Variants in IRAK3 observed in about 807,000 individuals in gnomAD.
The protein encoded by IRAK3 is interleukin-1 receptor-associated kinase 3.
Under a neutral mutation model 56.6 loss-of-function variants are expected in IRAK3, and 57 were observed. The ratio of observed to expected loss-of-function variants is 1.01; its 90% CI spans 0.81 to 1.26. IRAK3 has a LOEUF of 1.26. Among genes scored for constraint, IRAK3 ranks in the 50% most tolerant of loss-of-function variants. The pLI, the probability that IRAK3 is intolerant of heterozygous loss-of-function variation, is 0.00. For missense variants in IRAK3, 703 were observed against 719.0 expected, an observed-to-expected ratio of 0.98 and a Z score of 0.25; for synonymous variants, 258 against 255.7, an observed-to-expected ratio of 1.01 and a Z score of -0.09.
At chr12:66,197,353 G>C (rs2052464301) in intron 1 of IRAK3, 1 of 1,010,630 alleles carries the variant, frequency 9.9e-7, no homozygotes, top group African/African-American at 1.7e-5. Flanking sequence ...AGGGAGAGTT[G>C]AAGAAAATGA....
rs546689395 is a variant in IRAK3 at position 66,227,495 on chromosome 12, C to T, written c.768+658C>T. Among the ~76,000 whole-genome samples, 440 of 152,270 alleles carry T rather than the reference C, an allele frequency of 2.9e-3. 2 individuals are homozygous for T. The highest frequency in any genetic ancestry group is 1.0e-2 in the African/African-American group (414 of 41,544). On this transcript the variant is annotated intron_variant, in intron 7 of 11. Coordinates refer to ENST00000261233, the MANE Select transcript of IRAK3 (RefSeq NM_007199.3). ...TCAGGAGGCTGAGGCAGGAGAATCA[C>T]TTGAACCTTGGAGACGGAGGTTGCA...
At position 66,194,352 on chromosome 12, in the gene IRAK3, G is replaced by A. The variant is rs115318333; in HGVS notation, c.133+4920G>A. Reference sequence around the variant, plus strand: ...CTCAAAAGGGCTATTTATACTCCAGGTCCTCCATTTTTCCTTGAACCCCTC... The same window carrying A: ...CTCAAAAGGGCTATTTATACTCCAGATCCTCCATTTTTCCTTGAACCCCTC... On this transcript the variant is annotated intron_variant, in intron 1 of 11. Coordinates refer to ENST00000261233, the MANE Select transcript of IRAK3 (RefSeq NM_007199.3). Among the ~76,000 whole-genome samples, 409 of 152,032 alleles carry A rather than the reference G, an allele frequency of 2.7e-3. 5 individuals carry two copies. Among genetic ancestry groups the A allele is most frequent in the African/African-American group, 9.6e-3 (396 of 41,454 alleles).
At chr12:66,220,679 C>T (rs1467171111) in intron 6 of IRAK3, among the ~76,000 whole-genome samples, 2 of 151,246 alleles carry the variant, frequency 1.3e-5, no homozygotes, top group Non-Finnish European at 3.0e-5. Flanking sequence ...CGCCACTACG[C>T]CCGGCTAATT....
chr12:66,227,843 A>G (rs888163445), intron 7 of IRAK3, among the ~76,000 whole-genome samples: 1 of 151,962 alleles, frequency 6.6e-6, no homozygotes, highest in Non-Finnish European at 1.5e-5. Context: ...TCCTCGTTAG[A>G]TGTCTTTGGA....
chr12:66,190,967 A>G (rs1170005654), intron 1 of IRAK3, among the ~76,000 whole-genome samples: 1 of 152,246 alleles, frequency 6.6e-6, no homozygotes, highest in African/African-American at 2.4e-5. Context: ...ATCCATTTCA[A>G]GCATGCAGCC....
At position 66,253,355 on chromosome 12, in the gene IRAK3, A is replaced by G. The variant is rs749651852; in HGVS notation, c.*5184A>G. 2.6e-5 allele frequency: 4 copies of G among 152,196 alleles called. No individual in the cohort carries two copies. Among genetic ancestry groups the G allele is most frequent in the Non-Finnish European group, 4.4e-5 (3 of 68,036 alleles). 9.4% of individuals were successfully genotyped at this position (152,196 alleles called of 1,614,324 possible). A position where few individuals can be genotyped will look rare whatever the true frequency, so the allele number is the denominator to read the frequency against. On this transcript the variant is annotated 3_prime_UTR_variant, in exon 12 of 12. Transcript: ENST00000261233. The stretch of plus-strand genomic sequence containing the variant: ...TTTCTCTATGGTGGAAAATATTCCC[A>G]AACCATGTCTAAGCAATGAAAAACC...
At chr12:66,221,254 T>A (rs1431533262) in intron 6 of IRAK3, among the ~76,000 whole-genome samples, 1 of 152,228 alleles carries the variant, frequency 6.6e-6, no homozygotes, top group African/African-American at 2.4e-5. Flanking sequence ...TTTATTGTTC[T>A]AACAGTTTTT....
At chr12:66,239,693 T>C (rs1487391316) in intron 8 of IRAK3, among the ~76,000 whole-genome samples, 4 of 152,236 alleles carry the variant, frequency 2.6e-5, no homozygotes, top group Non-Finnish European at 5.9e-5. Flanking sequence ...TTTTTCCTGT[T>C]TTCCCCCAGT....
At position 66,253,747 on chromosome 12, in the gene IRAK3, G is replaced by A. The variant is rs1168202552; in HGVS notation, c.*5576G>A. 1.3e-5 allele frequency: 2 copies of A among 152,160 alleles called. No individual in the cohort carries two copies. Among genetic ancestry groups the A allele is most frequent in the Admixed American group, 6.6e-5 (1 of 15,262 alleles). 9.4% of individuals were successfully genotyped at this position (152,160 alleles called of 1,614,324 possible). On this transcript the variant is annotated 3_prime_UTR_variant, in exon 12 of 12. Coordinates refer to ENST00000261233, the MANE Select transcript of IRAK3 (RefSeq NM_007199.3). ...AGGCTCATTGTTGTGTCTAGTAGGT[G>A]CTAGGTGCATTCACACATCTCTTAA...
At chr12:66,231,192 A>T (rs1257649758) in intron 8 of IRAK3, among the ~76,000 whole-genome samples, 1 of 152,162 alleles carries the variant, frequency 6.6e-6, no homozygotes, top group Non-Finnish European at 1.5e-5. Context: ...ACTAAGCTCT[A>T]GTTTAAGAAA....
intron 2 of IRAK3, among the ~76,000 whole-genome samples, chr12:66,204,778 G>GCGCACA (rs1026097833): frequency 1.5e-4 from 22 of 147,922 alleles, no homozygotes; most frequent in South Asian, 8.7e-4. Context: ...GAGCCCTTGC[G>GCGCACA]CACACACACA....
intron 8 of IRAK3, among the ~76,000 whole-genome samples, chr12:66,232,244 A>G (rs1022298566): frequency 2.6e-5 from 4 of 152,198 alleles, no homozygotes; most frequent in African/African-American, 9.6e-5. Flanking sequence ...TAACCCATCC[A>G]TAGAATGTGC....
chr12:66,221,669 C>T (rs1388738051), intron 6 of IRAK3, among the ~76,000 whole-genome samples: 1 of 152,114 alleles, frequency 6.6e-6, no homozygotes, highest in Non-Finnish European at 1.5e-5. Flanking sequence ...TACATATTTG[C>T]ACATGTTGAA....
At chr12:66,208,306 G>GT (rs2052576406) in intron 2 of IRAK3, among the ~76,000 whole-genome samples, 1 of 148,888 alleles carries the variant, frequency 6.7e-6, no homozygotes, top group African/African-American at 2.6e-5. Flanking sequence ...ATTTGGGGTG[G>GT]TAAGTATTTG....
At chr12:66,238,256 G>T (rs1490759608) in intron 8 of IRAK3, among the ~76,000 whole-genome samples, 1 of 152,210 alleles carries the variant, frequency 6.6e-6, no homozygotes, top group Admixed American at 6.5e-5. Flanking sequence ...GTAGCAGATA[G>T]ACTGCAGTCA....
chr12:66,193,861 C>T (rs1165868923), intron 1 of IRAK3, among the ~76,000 whole-genome samples: 3 of 152,134 alleles, frequency 2.0e-5, no homozygotes, highest in Non-Finnish European at 4.4e-5. Flanking sequence ...TACTTCACTT[C>T]CCTCTCTTTC....
At chr12:66,225,951 A>C (rs1327179912) in intron 6 of IRAK3, among the ~76,000 whole-genome samples, 1 of 152,224 alleles carries the variant, frequency 6.6e-6, no homozygotes, top group Non-Finnish European at 1.5e-5. Context: ...TAAGTGGATG[A>C]ATGAAAATGG....
In IRAK3 at chr12:66,251,359, A is replaced by T. The variant is rs58888523; in HGVS notation, c.*3188A>T. ...GCAACTTTCTATGGGTAATAAGAGG[A>T]TACCTTTATAGTTTCATGATGTGGA... On this transcript the variant is annotated 3_prime_UTR_variant, in exon 12 of 12. Coordinates refer to ENST00000261233, the MANE Select transcript of IRAK3 (RefSeq NM_007199.3). 1 of 152,156 alleles carries T rather than the reference A, an allele frequency of 6.6e-6. No individual in the cohort carries two copies. The highest frequency in any genetic ancestry group is 6.5e-5 in the Admixed American group (1 of 15,286). The allele number at this position is 152,156 out of a possible 1,614,324, so 9.4% of individuals were successfully genotyped here.
intron 7 of IRAK3, 67 bp downstream of exon 7, chr12:66,226,904 C>G: frequency 2.0e-6 from 2 of 989,508 alleles, no homozygotes; most frequent in Non-Finnish European, 3.2e-6. Context: ...CTGCTGAAAC[C>G]GTCTGGGAGA....
Sources: gnomAD v4.1 joint callset for allele counts (sites outside exome capture counted in the v4.1 genomes callset) on GRCh38, gnomAD v4.1.1 for gene constraint, MANE v1.5 for transcripts, NCBI Gene and HGNC (gene_info 2026-07-23, HGNC 2026-07-21) for gene names.